BNC2: variants seen among roughly 807,000 people sequenced by gnomAD.
BNC2 encodes the protein zinc finger protein basonuclin-2.
In BNC2, 20 loss-of-function variants were observed where a neutral mutation model predicts 76.3. The ratio of observed to expected loss-of-function variants is 0.26; its 90% CI spans 0.18 to 0.38. BNC2 has a LOEUF of 0.38. Among genes scored for constraint, BNC2 ranks in the 10% least tolerant of loss-of-function variants. BNC2 has a pLI of 1.00. For synonymous variants in BNC2, 582 were observed against 514.8 expected (o/e 1.13, Z -1.77); for missense variants, 1,382 against 1,399.8 (o/e 0.99, Z 0.20).
intron 1 of BNC2, among the ~76,000 whole-genome samples, chr9:16,742,251 G>C (rs990283881): frequency 6.6e-6 from 1 of 152,166 alleles, no homozygotes; most frequent in Admixed American, 6.5e-5. Flanking sequence ...TATGTGATTT[G>C]AACAAAGGCA....
At chr9:16,594,892 T>C (rs1024549881) in intron 3 of BNC2, among the ~76,000 whole-genome samples, 13 of 152,226 alleles carry the variant, frequency 8.5e-5, no homozygotes, top group African/African-American at 2.9e-4. Flanking sequence ...TCCTCAGATA[T>C]GTTTTCAGTT....
intron 3 of BNC2, among the ~76,000 whole-genome samples, chr9:16,718,881 TTCTGCATG>T (rs1331775318): frequency 6.6e-6 from 1 of 152,170 alleles, no homozygotes; most frequent in Admixed American, 6.5e-5. Context: ...GGCATACACT[TTCTGCATG>T]TCTACGCATT....
At chr9:16,556,444 C>T (rs900093383) in intron 4 of BNC2, among the ~76,000 whole-genome samples, 35 of 151,810 alleles carry the variant, frequency 2.3e-4, no homozygotes, top group African/African-American at 8.0e-4. Context: ...AAGCAGTTAC[C>T]TAGGAGATGA....
At chr9:16,468,885 T>C (rs1207326034) in intron 5 of BNC2, among the ~76,000 whole-genome samples, 1 of 152,150 alleles carries the variant, frequency 6.6e-6, no homozygotes, top group Non-Finnish European at 1.5e-5. Context: ...ATATCCCCAA[T>C]AATACAAATA....
At chr9:16,795,138 G>C (rs922345101) in intron 1 of BNC2, among the ~76,000 whole-genome samples, 7 of 152,222 alleles carry the variant, frequency 4.6e-5, no homozygotes, top group South Asian at 2.1e-4. Context: ...ATAAAAAGAA[G>C]GCTGACTAGA....
At chr9:16,556,293 AAAAC>A (rs758901046) in intron 4 of BNC2, among the ~76,000 whole-genome samples, 2 of 152,060 alleles carry the variant, frequency 1.3e-5, no homozygotes, top group Non-Finnish European at 2.9e-5. Flanking sequence ...CCTGTCTCCA[AAAAC>A]AAACAAACAA....
intron 3 of BNC2, among the ~76,000 whole-genome samples, chr9:16,670,418 C>T (rs1031937962): frequency 6.6e-6 from 1 of 152,102 alleles, no homozygotes; most frequent in African/African-American, 2.4e-5. Context: ...GGGCTCAAGT[C>T]ATCTTCCCAC....
intron 3 of BNC2, among the ~76,000 whole-genome samples, chr9:16,707,428 T>G (rs915646990): frequency 6.6e-6 from 1 of 152,170 alleles, no homozygotes; most frequent in Admixed American, 6.5e-5. Context: ...TATATCAAGT[T>G]AATCAACACA....
At chr9:16,487,175 A>C (rs998552125) in intron 5 of BNC2, among the ~76,000 whole-genome samples, 26 of 152,228 alleles carry the variant, frequency 1.7e-4, no homozygotes, top group African/African-American at 5.1e-4. Flanking sequence ...TACTTGAAGA[A>C]CAACTAGAAG....
At chr9:16,552,852 G>C in intron 4 of BNC2, 87 bp from the exon 5 acceptor site, 1 of 1,083,990 alleles carries the variant, frequency 9.2e-7, no homozygotes, top group Non-Finnish European at 1.4e-6. Flanking sequence ...ATTGCTGGAA[G>C]TTACCAGGGC....
At chr9:16,699,230 CT>C (rs980577439) in intron 3 of BNC2, 2 of 470,432 alleles carry the variant, frequency 4.3e-6, no homozygotes, top group African/African-American at 4.0e-5. Flanking sequence ...ATGTGGCAAC[CT>C]AAATAATGCA....
intron 1 of BNC2, among the ~76,000 whole-genome samples, chr9:16,775,070 C>G (rs1825927344): frequency 6.6e-6 from 1 of 152,100 alleles, no homozygotes; most frequent in African/African-American, 2.4e-5. Context: ...AGTAGTGTCT[C>G]ACAAGTAGCA....
At chr9:16,794,308 G>C (rs765270820) in intron 1 of BNC2, among the ~76,000 whole-genome samples, 1 of 152,128 alleles carries the variant, frequency 6.6e-6, no homozygotes, top group African/African-American at 2.4e-5. Context: ...ATGACTGCTC[G>C]TAAACCAATC....
intron 1 of BNC2, among the ~76,000 whole-genome samples, chr9:16,818,409 A>C (rs890467464): frequency 5.9e-5 from 9 of 152,194 alleles, no homozygotes; most frequent in African/African-American, 2.2e-4. Flanking sequence ...GTCTCAAAAA[A>C]AAATTAAACC....
intron 5 of BNC2, among the ~76,000 whole-genome samples, chr9:16,472,210 A>T (rs1459602934): frequency 6.6e-6 from 1 of 152,226 alleles, no homozygotes; most frequent in African/African-American, 2.4e-5. Flanking sequence ...AAGGGAAAGG[A>T]GTCTGGACAG....
At chr9:16,658,367 G>C (rs2134018069) in intron 3 of BNC2, among the ~76,000 whole-genome samples, 1 of 152,206 alleles carries the variant, frequency 6.6e-6, no homozygotes. Flanking sequence ...AAACAGCCCA[G>C]TATATTTTAG....
At chr9:16,647,180 TTG>T (rs1821653919) in intron 3 of BNC2, among the ~76,000 whole-genome samples, 1 of 152,148 alleles carries the variant, frequency 6.6e-6, no homozygotes, top group South Asian at 2.1e-4. Flanking sequence ...CCCTTCTTTG[TTG>T]AGATTTGGGC....
intron 3 of BNC2, among the ~76,000 whole-genome samples, chr9:16,637,056 T>C (rs1000260019): frequency 1.6e-4 from 24 of 152,192 alleles, no homozygotes; most frequent in East Asian, 7.7e-4. Flanking sequence ...TAATTTTTTT[T>C]TTCTTCTTCT....
intron 6 of BNC2, chr9:16,431,469 C>G (rs950309815): frequency 2.1e-6 from 1 of 470,014 alleles, no homozygotes; most frequent in South Asian, 1.6e-5. Context: ...GGTTCCAGGC[C>G]GGTTAGAATT....
Sources: allele counts gnomAD v4.1 joint callset (sites outside exome capture counted in the v4.1 genomes callset), GRCh38; gene constraint gnomAD v4.1.1; transcripts MANE v1.5; gene names NCBI Gene and HGNC (gene_info 2026-07-23, HGNC 2026-07-21).